SLC4A7: variants seen among roughly 807,000 people sequenced by gnomAD.
The protein encoded by SLC4A7 is sodium bicarbonate cotransporter 3.
In SLC4A7, 51 loss-of-function variants were observed where a neutral mutation model predicts 137.6. That is an observed-to-expected ratio of 0.37 (90% CI 0.30 to 0.47). SLC4A7 has a LOEUF of 0.47. Among genes scored for constraint, SLC4A7 ranks in the 20% least tolerant of loss-of-function variants. The pLI, the probability that SLC4A7 is intolerant of heterozygous loss-of-function variation, is 1.00. For missense variants in SLC4A7, 1,247 were observed against 1,525.4 expected, an observed-to-expected ratio of 0.82 and a Z score of 3.04; for synonymous variants, 542 against 518.6, an observed-to-expected ratio of 1.05 and a Z score of -0.61.
At position 27,373,802 on chromosome 3, in the gene SLC4A7, T is replaced by C. The variant is rs1026302792; in HGVS notation, c.*2962A>G. The C allele has an allele frequency of 2.6e-5, 4 of 152,562 alleles. No homozygotes were observed. Among genetic ancestry groups the C allele is most frequent in the African/African-American group, 9.6e-5 (4 of 41,460 alleles). 9.5% of individuals were successfully genotyped at this position (152,562 alleles called of 1,614,324 possible). A position where few individuals can be genotyped will look rare whatever the true frequency, so the allele number is the denominator to read the frequency against. ...TTTGGATGAAGAAAACAAGTTAATT[T>C]TGAGTGGTAAACAAATCTGGTTTAC... On this transcript the variant is annotated 3_prime_UTR_variant, in exon 26 of 26. Transcript: ENST00000454389.
chr3:27,407,341 G>A (rs948989195), intron 13 of SLC4A7, among the ~76,000 whole-genome samples: 4 of 151,802 alleles, frequency 2.6e-5, no homozygotes, highest in Admixed American at 6.6e-5. Flanking sequence ...TGAGCCCGCC[G>A]TGGTGGTGGG....
chr3:27,413,310 C>G (rs2054086746), intron 11 of SLC4A7, among the ~76,000 whole-genome samples: 1 of 152,106 alleles, frequency 6.6e-6, no homozygotes, highest in Non-Finnish European at 1.5e-5. Flanking sequence ...ACAAAAGATT[C>G]AAGCTCAAAA....
intron 24 of SLC4A7, among the ~76,000 whole-genome samples, chr3:27,379,999 A>T (rs1452005034): frequency 1.3e-5 from 2 of 152,180 alleles, no homozygotes; most frequent in African/African-American, 4.8e-5. Flanking sequence ...TATTTTATCA[A>T]GTTTATCAAA....
Position 27,403,182 on chromosome 3 carries a change from C to T in SLC4A7, c.2278G>A (p.Ala760Thr), listed in dbSNP as rs2052963558. 1 of 1,613,388 alleles carries T rather than the reference C, an allele frequency of 6.2e-7. No homozygotes were observed. The highest frequency in any genetic ancestry group is 1.1e-5 in the South Asian group (1 of 90,970). The change falls in exon 15 of 26, where the codon GCA becomes ACA. Residue 760 changes from alanine (A) to threonine (T), a missense_variant. Coordinates refer to ENST00000454389, the MANE Select transcript of SLC4A7 (RefSeq NM_001321103.2). ...TCTAAGTTGTTGTGCATATTAAATG[C>T]ATATGTTTCTCCTAAATCAAAGAGC... The part of the protein sequence containing the change: ...EKLFDLGETY[A>T]FNMHNNLDKL...
chr3:27,376,842 A>T lies in SLC4A7; in HGVS notation c.3702T>A (p.Pro1234=). 1 of 1,518,250 alleles carries T rather than the reference A, an allele frequency of 6.6e-7. No individual in the cohort carries two copies. The highest frequency in any genetic ancestry group is 9.0e-7 in the Non-Finnish European group (1 of 1,109,430). 94.0% of individuals were successfully genotyped at this position (1,518,250 alleles called of 1,614,324 possible). ...NAKVTRSNMS[P]DKPVSVKISF... ...TTATTTTCACACTCACAGGTTTATC[A>T]GGACTATTTAAAACAAAGAATTAAA... Residue 1234 remains proline, a synonymous_variant, in exon 26 of 26, where the codon CCT becomes CCA. Coordinates refer to ENST00000454389, the MANE Select transcript of SLC4A7 (RefSeq NM_001321103.2).
chr3:27,394,404 TG>T, intron 20 of SLC4A7, 113 bp downstream of exon 20: 1 of 925,524 alleles, frequency 1.1e-6, no homozygotes, highest in Non-Finnish European at 1.6e-6. Context: ...AAGTAAACTG[TG>T]GAAAACAAAC....
intron 7 of SLC4A7, among the ~76,000 whole-genome samples, chr3:27,425,749 G>C (rs1042913687): frequency 4.6e-5 from 7 of 150,602 alleles, no homozygotes; most frequent in Non-Finnish European, 1.0e-4. Flanking sequence ...TACTAGGTTG[G>C]TGCAATTTCC....
At chr3:27,422,342 C>A (rs1267662643) in intron 8 of SLC4A7, among the ~76,000 whole-genome samples, 1 of 152,110 alleles carries the variant, frequency 6.6e-6, no homozygotes, top group Non-Finnish European at 1.5e-5. Context: ...ACATAGCTCA[C>A]TGTAAACCTC....
intron 1 of SLC4A7, chr3:27,456,627 A>G: frequency 6.9e-7 from 1 of 1,455,746 alleles, no homozygotes; most frequent in African/African-American, 1.4e-5. Flanking sequence ...TAAATAAAAG[A>G]CAAGATCATA....
intron 3 of SLC4A7, among the ~76,000 whole-genome samples, chr3:27,447,327 T>A (rs1169798894): frequency 1.3e-5 from 2 of 152,176 alleles, no homozygotes; most frequent in Non-Finnish European, 2.9e-5. Context: ...ATAAGACCAT[T>A]TGTCTAGGGC....
intron 14 of SLC4A7, among the ~76,000 whole-genome samples, chr3:27,403,752 C>T (rs2150160712): frequency 6.6e-6 from 1 of 152,190 alleles, no homozygotes; most frequent in South Asian, 2.1e-4. Flanking sequence ...AAAACAATTG[C>T]ATCTTACTCC....
In SLC4A7 at chr3:27,383,199, C is replaced by G. The variant is rs984462365; in HGVS notation, c.3544G>C (p.Glu1182Gln). The G allele has an allele frequency of 6.2e-7, 1 of 1,613,316 alleles. No individual in the cohort carries two copies. Among genetic ancestry groups the G allele is most frequent in the Non-Finnish European group, 8.5e-7 (1 of 1,179,398 alleles). Reference sequence around the variant, plus strand: ...GGAATTTGCAAGAGACTTCCCCCTTCAAATGGAAGGTGCACAGTATCATCA... The same window carrying G: ...GGAATTTGCAAGAGACTTCCCCCTTGAAATGGAAGGTGCACAGTATCATCA... ...DDDDTVHLPF[E>Q]GGSLLQIPVK... The change falls in exon 24 of 26, where the codon GAA becomes CAA. Residue 1182 changes from glutamate to glutamine, a missense_variant. Glu to Gln is a conservative substitution (Grantham distance 29). This residue lies in a region of SLC4A7 where 290 missense variants were observed against 323.8 expected (regional missense o/e 0.90). Coordinates refer to ENST00000454389, the MANE Select transcript of SLC4A7 (RefSeq NM_001321103.2).
chr3:27,396,368 T>C (rs1205092295), intron 18 of SLC4A7, among the ~76,000 whole-genome samples: 2 of 152,106 alleles, frequency 1.3e-5, no homozygotes, highest in Non-Finnish European at 2.9e-5. Context: ...TATCAGTAAA[T>C]AAATAACAAG....
rs1278205838 is a variant in SLC4A7, at chr3:27,400,522, A to G, written c.2427+242T>C. 2.0e-5 allele frequency among the ~76,000 whole-genome samples: 3 copies of G among 152,326 alleles called. No individual in the cohort carries two copies. The East Asian group carries it at 5.8e-4, about 29-fold the overall frequency. ...GTATATTCACATCTTTATACTGTTC[A>G]TATCTTGGAAGTCAAATATAATCCA... On this transcript the variant is annotated intron_variant, in intron 16 of 25. Transcript: ENST00000454389.
intron 3 of SLC4A7, among the ~76,000 whole-genome samples, chr3:27,442,272 T>C (rs952176483): frequency 2.4e-4 from 36 of 152,298 alleles, no homozygotes; most frequent in Admixed American, 8.5e-4. Flanking sequence ...TTAAATATTA[T>C]ATTGAATAGA....
intron 2 of SLC4A7, among the ~76,000 whole-genome samples, chr3:27,452,108 T>C (rs1305874777): frequency 6.6e-6 from 1 of 152,116 alleles, no homozygotes; most frequent in East Asian, 1.9e-4. Flanking sequence ...GGCACTCTAG[T>C]GTACTCATAA....
chr3:27,483,030 G>A (rs1364640191), intron 1 of SLC4A7, among the ~76,000 whole-genome samples: 1 of 152,192 alleles, frequency 6.6e-6, no homozygotes, highest in African/African-American at 2.4e-5. Flanking sequence ...AAAAACATAG[G>A]AGAAGTAATT....
At position 27,423,965 on chromosome 3, in the gene SLC4A7, A is replaced by G. The variant is rs532796174; in HGVS notation, c.1266+72T>C. 4.8e-5 allele frequency: 43 copies of G among 903,024 alleles called. No individual in the cohort carries two copies. In the African/African-American group the frequency reaches 6.2e-4, roughly 13 times the overall value. The allele number at this position is 903,024 out of a possible 1,614,324, so 55.9% of individuals were successfully genotyped here. A position where few individuals can be genotyped will look rare whatever the true frequency, so the allele number is the denominator to read the frequency against. On this transcript the variant is annotated intron_variant, in intron 8 of 25. Coordinates refer to ENST00000454389, the MANE Select transcript of SLC4A7 (RefSeq NM_001321103.2). ...AATTACTATCATCAATGTTAATAAT[A>G]TTAGCCACAAATTACTACTTATTTC...
At chr3:27,453,987 T>C (rs1347824932) in intron 1 of SLC4A7, among the ~76,000 whole-genome samples, 1 of 152,108 alleles carries the variant, frequency 6.6e-6, no homozygotes, top group Non-Finnish European at 1.5e-5. Flanking sequence ...GAGCAGGCCA[T>C]GTAGACCATG....
Sources: gnomAD v4.1 joint callset for allele counts (sites outside exome capture counted in the v4.1 genomes callset) on GRCh38, gnomAD v4.1.1 for gene constraint, gnomAD v4.1.1 regional missense constraint, MANE v1.5 for transcripts, NCBI Gene and HGNC (gene_info 2026-07-23, HGNC 2026-07-21) for gene names.